RTF2: variants seen among roughly 807,000 people sequenced by gnomAD.
RTF2 encodes replication termination factor 2, also known as UPF0549 protein C20orf43.
A neutral mutation model predicts 38.0 loss-of-function variants in RTF2; 18 were observed. That is an observed-to-expected ratio of 0.47 (90% confidence interval 0.33 to 0.70). The LOEUF (loss-of-function observed/expected upper bound fraction) is 0.70. Among genes scored for constraint, RTF2 ranks in the 30% least tolerant of loss-of-function variants. The probability of loss-of-function intolerance (pLI) is 0.02; values close to 1 mark genes in which losing one functional copy is unlikely to be tolerated. For missense variants in RTF2, 311 were observed against 379.6 expected (o/e 0.82, Z 1.50); for synonymous variants, 126 against 137.1 (o/e 0.92, Z 0.57).
At chr20:56,517,076 T>A (rs1011426402) in intron 7 of RTF2, 30 bp from the exon 8 acceptor site, 6 of 1,612,760 alleles carry the variant, frequency 3.7e-6, no homozygotes, top group Non-Finnish European at 5.1e-6. Context: ...TTGCATTGTT[T>A]TTGCTTTGCC....
chr20:56,495,866 G>C (rs923863685), intron 5 of RTF2, among the ~76,000 whole-genome samples: 3 of 152,166 alleles, frequency 2.0e-5, no homozygotes, highest in East Asian at 1.9e-4. Flanking sequence ...GATGGTATCT[G>C]ATTTCCCTCT....
In RTF2 at chr20:56,502,722, A is replaced by G. The variant is rs571956292; in HGVS notation, c.478-10593A>G. ...GCATTAACATTAATTTAACCAGCATAAGCAGTTGATTTAGCACCCAAAGTT... is the reference window on the plus strand; with the variant it reads ...GCATTAACATTAATTTAACCAGCATGAGCAGTTGATTTAGCACCCAAAGTT... On this transcript the variant is annotated intron_variant, in intron 5 of 8. Coordinates refer to ENST00000357348, the MANE Select transcript of RTF2 (RefSeq NM_016407.5). 1.4e-4 allele frequency among the ~76,000 whole-genome samples: 22 copies of G among 152,348 alleles called. 1 individual carries two copies. The South Asian group carries it at 3.7e-3, about 26-fold the overall frequency.
At chr20:56,469,419 A>C (rs1981847992) in intron 1 of RTF2, among the ~76,000 whole-genome samples, 1 of 152,244 alleles carries the variant, frequency 6.6e-6, no homozygotes, top group Admixed American at 6.5e-5. Context: ...AGGAAATTAT[A>C]ATAATTTCTT....
chr20:56,472,870 T>A (rs1982043654), intron 1 of RTF2, among the ~76,000 whole-genome samples: 1 of 152,184 alleles, frequency 6.6e-6, no homozygotes, highest in African/African-American at 2.4e-5. Flanking sequence ...CCAGGCACAG[T>A]TGCTCATGCT....
intron 4 of RTF2, among the ~76,000 whole-genome samples, chr20:56,479,983 C>T (rs1300824580): frequency 3.3e-5 from 5 of 152,084 alleles, no homozygotes; most frequent in Non-Finnish European, 7.4e-5. Flanking sequence ...GGTTTCCAAA[C>T]GGTAAATGAA....
chr20:56,503,875 G>C (rs1984087461), intron 5 of RTF2, among the ~76,000 whole-genome samples: 1 of 152,198 alleles, frequency 6.6e-6, no homozygotes, highest in Non-Finnish European at 1.5e-5. Context: ...GCCTGAGGCA[G>C]GAGAATCGCT....
chr20:56,517,954 C>T (rs1180731866), intron 8 of RTF2, 133 bp from the exon 9 acceptor site: 32 of 802,206 alleles, frequency 4.0e-5, no homozygotes, highest in Middle Eastern at 3.4e-4. Context: ...ATTAAGATGA[C>T]GTCCGCCAGC....
At chr20:56,482,066 CCTTTTTCTCTT>C (rs1232680336) in intron 4 of RTF2, among the ~76,000 whole-genome samples, 1 of 152,152 alleles carries the variant, frequency 6.6e-6, no homozygotes, top group East Asian at 1.9e-4. Flanking sequence ...AGTCTCTTCT[CCTTTTTCTCTT>C]ACCCAGTGAA....
chr20:56,486,774 CA>C (rs1982816831), intron 5 of RTF2, among the ~76,000 whole-genome samples: 2 of 152,088 alleles, frequency 1.3e-5, no homozygotes, highest in African/African-American at 4.8e-5. Context: ...CTGAAGTTTG[CA>C]AAACACTGTT....
At chr20:56,476,919 C>G in intron 3 of RTF2, 66 bp from the exon 4 acceptor site, 1 of 1,514,676 alleles carries the variant, frequency 6.6e-7, no homozygotes, top group South Asian at 1.2e-5. Context: ...TGTTGACTTA[C>G]GTGGTTAAGG....
intron 5 of RTF2, among the ~76,000 whole-genome samples, chr20:56,490,766 G>A (rs947319003): frequency 2.0e-5 from 3 of 152,232 alleles, no homozygotes; most frequent in Admixed American, 1.3e-4. Flanking sequence ...GCGGTGAGCC[G>A]AGATCGTGCC....
chr20:56,508,260 T>G (rs1984410751), intron 5 of RTF2, among the ~76,000 whole-genome samples: 1 of 152,132 alleles, frequency 6.6e-6, no homozygotes, highest in Non-Finnish European at 1.5e-5. Flanking sequence ...CTTCTGTGCA[T>G]TTGGGAGATT....
chr20:56,499,100 G>A (rs1983747923), intron 5 of RTF2, among the ~76,000 whole-genome samples: 1 of 152,072 alleles, frequency 6.6e-6, no homozygotes, highest in South Asian at 2.1e-4. Context: ...TCAGGCCGCA[G>A]TGTGTTCCAC....
intron 4 of RTF2, among the ~76,000 whole-genome samples, chr20:56,482,410 A>G (rs1172749983): frequency 6.6e-6 from 1 of 152,250 alleles, no homozygotes; most frequent in Non-Finnish European, 1.5e-5. Context: ...AAGTCTGTGC[A>G]TGTTCAATAT....
chr20:56,477,011 T>C lies in RTF2; in HGVS notation c.285T>C (p.Asp95=), dbSNP rs749588350. 6.2e-7 allele frequency: 1 copy of C among 1,614,112 alleles called. No homozygotes were observed. Among genetic ancestry groups the C allele is most frequent in the Middle Eastern group, 1.6e-4 (1 of 6,062 alleles). ...IKNVTELKLS[D]NPAWEGDKGN... is the part of the protein sequence containing the mutation. ...ATGTGACAGAGCTGAAGCTTTCTGA[T>C]AATCCTGCCTGGGAAGGGGATAAAG... Residue 95 remains aspartate (D), a synonymous_variant, in exon 4 of 9, where the codon GAT becomes GAC. Transcript: ENST00000357348.
At chr20:56,470,972 A>C in intron 1 of RTF2, 1 of 230,964 alleles carries the variant, frequency 4.3e-6, no homozygotes, top group Middle Eastern at 1.9e-3. Context: ...TATCTGTGAG[A>C]CACTAGCAAA....
intron 5 of RTF2, chr20:56,496,977 A>C (rs769291760): frequency 2.6e-6 from 4 of 1,551,644 alleles, no homozygotes; most frequent in Non-Finnish European, 3.5e-6. Flanking sequence ...GTTGGTTTTG[A>C]TGGGAAAATC....
At chr20:56,491,579 A>G in intron 5 of RTF2, 2 of 1,550,700 alleles carry the variant, frequency 1.3e-6, no homozygotes, top group Non-Finnish European at 1.7e-6. Flanking sequence ...TCTCATATTG[A>G]AATGACTCTG....
intron 5 of RTF2, among the ~76,000 whole-genome samples, chr20:56,493,047 G>T (rs568078390): frequency 2.6e-5 from 4 of 151,920 alleles, no homozygotes; most frequent in Non-Finnish European, 5.9e-5. Context: ...GTGGTGGTGC[G>T]TGCCTGTAAT....
Sources: allele counts gnomAD v4.1 joint callset (sites outside exome capture counted in the v4.1 genomes callset), GRCh38; gene constraint gnomAD v4.1.1; transcripts MANE v1.5; gene names NCBI Gene and HGNC (gene_info 2026-07-23, HGNC 2026-07-21).